Variants in KCTD2 observed in about 807,000 individuals in gnomAD.
The protein encoded by KCTD2 is potassium channel tetramerization domain containing 2.
In KCTD2, 18 loss-of-function variants were observed where a neutral mutation model predicts 27.9. That is an observed-to-expected ratio of 0.64 (90% CI 0.45 to 0.96). The LOEUF (loss-of-function observed/expected upper bound fraction) is 0.96, where lower values mean the gene tolerates loss of function less well. Among genes scored for constraint, KCTD2 ranks in the 40% least tolerant of loss-of-function variants. The pLI, the probability that KCTD2 is intolerant of heterozygous loss-of-function variation, is 0.00. For synonymous variants in KCTD2, 175 were observed against 148.4 expected, an observed-to-expected ratio of 1.18 and a Z score of -1.30; for missense variants, 280 against 348.0, an observed-to-expected ratio of 0.80 and a Z score of 1.56.
At chr17:75,053,586 G>A (rs2073315436) in intron 3 of KCTD2, among the ~76,000 whole-genome samples, 1 of 152,082 alleles carries the variant, frequency 6.6e-6, no homozygotes, top group Non-Finnish European at 1.5e-5. Flanking sequence ...GACTACAGGT[G>A]TGTGCCACCA....
intron 3 of KCTD2, among the ~76,000 whole-genome samples, chr17:75,036,473 C>T (rs563554644): frequency 3.3e-4 from 51 of 152,312 alleles, no homozygotes; most frequent in Non-Finnish European, 5.7e-4. Context: ...AAATGCTGAA[C>T]AATCCAAGAG....
chr17:75,049,239 T>A lies in KCTD2; in HGVS notation c.359T>A (p.Leu120Gln). Residue 120 changes from leucine (L) to glutamine (Q), a missense_variant, in exon 2 of 6, where the codon CTG becomes CAG. Physicochemically the swap from Leu to Gln is moderately radical, Grantham distance 113 (BLOSUM62 -2). Transcript: ENST00000322444. ...DSDKDETGAY[L>Q]IDRDPTYFGP... Reference sequence around the variant, plus strand: ...TGGCAGGATGAGACAGGAGCCTATCTGATTGACAGGGACCCCACCTACTTT... The same window carrying A: ...TGGCAGGATGAGACAGGAGCCTATCAGATTGACAGGGACCCCACCTACTTT... 1.9e-6 allele frequency: 3 copies of A among 1,612,008 alleles called. No homozygotes were observed.
At chr17:75,034,738 C>T (rs1481780998) in intron 2 of KCTD2, among the ~76,000 whole-genome samples, 3 of 151,968 alleles carry the variant, frequency 2.0e-5, no homozygotes, top group African/African-American at 7.3e-5. Flanking sequence ...GCTCGGCGAG[C>T]GCAGAGGCCG....
intron 4 of KCTD2, among the ~76,000 whole-genome samples, chr17:75,061,199 C>T (rs532831975): frequency 3.0e-4 from 46 of 152,310 alleles, no homozygotes; most frequent in Admixed American, 2.7e-3. Flanking sequence ...GGCGGAGGCG[C>T]CCCCAGCCCC....
intron 1 of KCTD2, among the ~76,000 whole-genome samples, chr17:75,033,463 A>C (rs1210762918): frequency 1.3e-5 from 2 of 152,010 alleles, no homozygotes; most frequent in Non-Finnish European, 2.9e-5. Context: ...ACATTCCCTC[A>C]TGATAAGCAA....
chr17:75,053,510 G>A (rs373722327), intron 3 of KCTD2, among the ~76,000 whole-genome samples: 3 of 151,966 alleles, frequency 2.0e-5, no homozygotes, highest in East Asian at 3.9e-4. Context: ...GTGCAATCTC[G>A]GCTCACTGCA....
intron 1 of KCTD2, 135 bp downstream of exon 1, chr17:75,047,724 A>C: frequency 1.3e-6 from 1 of 780,276 alleles, no homozygotes. Context: ...CCTCCCTCCC[A>C]CACTACTCGC....
At chr17:75,035,787 C>T (rs1250778604) in intron 3 of KCTD2, among the ~76,000 whole-genome samples, 1 of 152,108 alleles carries the variant, frequency 6.6e-6, no homozygotes, top group Admixed American at 6.6e-5. Flanking sequence ...GAGCCGTGAT[C>T]GCGCCACTGC....
intron 3 of KCTD2, among the ~76,000 whole-genome samples, chr17:75,036,993 G>C (rs555896115): frequency 6.6e-6 from 1 of 152,272 alleles, no homozygotes; most frequent in East Asian, 1.9e-4. Context: ...CTTATGTTAA[G>C]ACTACGCTGA....
chr17:75,049,289 C>T lies in KCTD2; in HGVS notation c.409C>T (p.His137Tyr). ...YFGPILNYLR[H>Y]GKLIITKELA... ...TGGTCCTATCCTCAACTACCTCCGC[C>T]ACGGGAAACTCATCATCACTAAGGA... The change falls in exon 2 of 6, where the codon CAC becomes TAC. Residue 137 changes from histidine to tyrosine, a missense_variant. Coordinates refer to ENST00000322444, the MANE Select transcript of KCTD2 (RefSeq NM_015353.3). 1 of 1,613,626 alleles carries T rather than the reference C, an allele frequency of 6.2e-7. No homozygotes were observed.
At chr17:75,036,479 A>G (rs2040115090) in intron 3 of KCTD2, among the ~76,000 whole-genome samples, 1 of 152,228 alleles carries the variant, frequency 6.6e-6, no homozygotes, top group African/African-American at 2.4e-5. Flanking sequence ...TGAACAATCC[A>G]AGAGGGCATA....
In KCTD2 at chr17:75,062,209, C is replaced by T. The variant is rs766402093; in HGVS notation, c.726C>T (p.Thr242=). The change falls in exon 5 of 6, where the codon ACC becomes ACT. Residue 242 remains threonine (T), a synonymous_variant. Coordinates refer to ENST00000322444, the MANE Select transcript of KCTD2 (RefSeq NM_015353.3). ...TCTCCAGAGAACTAAATAATTCTAC[C>T]AATGGCATCGTCATAGAGCCGAGCG... The part of the protein sequence containing the change: ...CVVSRELNNS[T]NGIVIEPSEK... The T allele has an allele frequency of 5.0e-6, 8 of 1,613,804 alleles. No homozygotes were observed. In the Admixed American group the frequency reaches 5.0e-5, roughly 10 times the overall value.
intron 3 of KCTD2, among the ~76,000 whole-genome samples, chr17:75,055,999 C>G (rs998116700): frequency 1.3e-5 from 2 of 152,064 alleles, no homozygotes; most frequent in East Asian, 1.9e-4. Flanking sequence ...CCACTGCACC[C>G]CAGCCTGGGC....
intron 1 of KCTD2, among the ~76,000 whole-genome samples, chr17:75,047,845 C>G (rs974009060): frequency 6.6e-6 from 1 of 152,184 alleles, no homozygotes; most frequent in Non-Finnish European, 1.5e-5. Flanking sequence ...ACTGCGCCCA[C>G]CTGCACCCAC....
chr17:75,038,091 C>T (rs2073121081), intron 3 of KCTD2, among the ~76,000 whole-genome samples: 1 of 151,896 alleles, frequency 6.6e-6, no homozygotes, highest in Non-Finnish European at 1.5e-5. Flanking sequence ...TGTTCAAATG[C>T]AAAAAGCTGT....
In KCTD2 at chr17:75,065,419, G is replaced by T. The variant is rs2073447561; in HGVS notation, c.*2372G>T. Reference sequence around the variant, plus strand: ...AGAGAGGTCTGCGTGGCAGTTTGGGGCTGTCACGTGACCAGTGACCCACAC... The same window carrying T: ...AGAGAGGTCTGCGTGGCAGTTTGGGTCTGTCACGTGACCAGTGACCCACAC... On this transcript the variant is annotated 3_prime_UTR_variant, in exon 6 of 6. Transcript: ENST00000322444. 6.6e-6 allele frequency: 1 copy of T among 152,330 alleles called. No homozygotes were observed. Among genetic ancestry groups the T allele is most frequent in the East Asian group, 1.9e-4 (1 of 5,180 alleles). 9.4% of individuals were successfully genotyped at this position (152,330 alleles called of 1,614,324 possible).
chr17:75,033,066 C>T (rs542113121), intron 1 of KCTD2: 1 of 152,350 alleles, frequency 6.6e-6, no homozygotes, highest in South Asian at 2.1e-4. Flanking sequence ...CGACGCTGCC[C>T]TTGGCTGAAC....
chr17:75,056,392 A>G (rs1346456065), intron 3 of KCTD2, among the ~76,000 whole-genome samples: 2 of 152,228 alleles, frequency 1.3e-5, no homozygotes, highest in Non-Finnish European at 2.9e-5. Context: ...ATTGCTTACT[A>G]TAGATTTTAA....
chr17:75,033,467 TAAGC>T (rs1270060647), intron 1 of KCTD2, among the ~76,000 whole-genome samples: 1 of 152,180 alleles, frequency 6.6e-6, no homozygotes, highest in Non-Finnish European at 1.5e-5. Flanking sequence ...TCCCTCATGA[TAAGC>T]AAGATTTTCA....
Sources: allele counts gnomAD v4.1 joint callset (sites outside exome capture counted in the v4.1 genomes callset), GRCh38; gene constraint gnomAD v4.1.1; transcripts MANE v1.5; gene names NCBI Gene and HGNC (gene_info 2026-07-23, HGNC 2026-07-21).